Variants in VWF observed in about 807,000 individuals in gnomAD.
VWF encodes Factor VIII related antigen.
In VWF, 176 loss-of-function variants were observed where a neutral mutation model predicts 308.6. The observed-to-expected ratio is 0.57, with a 90% confidence interval of 0.50 to 0.65. VWF has a LOEUF of 0.65. VWF is among the 30% of genes least tolerant of loss of function. VWF has a pLI of 0.00. For synonymous variants in VWF, 1,385 were observed against 1,443.4 expected (o/e 0.96, Z 0.92); for missense variants, 3,146 against 3,648.2 (o/e 0.86, Z 3.55).
At chr12:6,043,477 A>C (rs76320537) in intron 18 of VWF, among the ~76,000 whole-genome samples, 2,671 of 152,350 alleles carry the variant, frequency 0.018, 77 homozygotes, top group African/African-American at 0.059. Context: ...TTTGGGTATA[A>C]GGAATTGGAG....
chr12:6,110,735 C>T (rs1198775653), intron 4 of VWF, 131 bp downstream of exon 4: 1 of 1,300,640 alleles, frequency 7.7e-7, no homozygotes, highest in Admixed American at 1.7e-5. Flanking sequence ...CTGGCTCTCA[C>T]CCAGCCCTGC....
At chr12:6,006,893 T>C (rs1222475441) in intron 34 of VWF, among the ~76,000 whole-genome samples, 1 of 152,118 alleles carries the variant, frequency 6.6e-6, no homozygotes, top group Non-Finnish European at 1.5e-5. Flanking sequence ...AGTGAGAAGA[T>C]GGAAAAAGAT....
intron 35 of VWF, among the ~76,000 whole-genome samples, chr12:5,994,875 G>T (rs1486828756): frequency 6.6e-6 from 1 of 152,178 alleles, no homozygotes; most frequent in African/African-American, 2.4e-5. Context: ...GAGATTAAAA[G>T]GAACCTTGAG....
rs61751303 is a variant in VWF, at chr12:5,952,494, C to T, written c.8012G>A (p.Cys2671Tyr). Residue 2671 changes from cysteine (C) to tyrosine (Y), a missense_variant, in exon 49 of 52, where the codon TGT becomes TAT. Coordinates refer to ENST00000261405, the MANE Select transcript of VWF (RefSeq NM_000552.5). The stretch of plus-strand genomic sequence containing the variant: ...ATTGACCTTGCAGAAGTGAGTATCA[C>T]AGCCATCCTGGAGCGTCTCATCACG... ...LKRDETLQDG[C>Y]DTHFCKVNER... 1 of 1,613,978 alleles carries T rather than the reference C, an allele frequency of 6.2e-7. No individual in the cohort carries two copies. Among genetic ancestry groups the T allele is most frequent in the South Asian group, 1.1e-5 (1 of 91,084 alleles).
chr12:6,010,252 T>C (rs1352678291), intron 34 of VWF, among the ~76,000 whole-genome samples: 4 of 152,092 alleles, frequency 2.6e-5, no homozygotes, highest in African/African-American at 9.7e-5. Context: ...ATTAGAGAAA[T>C]GAATTTCAAG....
At chr12:6,029,617 AC>A in intron 21 of VWF, 129 bp from the exon 22 acceptor site, 1 of 1,229,954 alleles carries the variant, frequency 8.1e-7, no homozygotes, top group Non-Finnish European at 1.1e-6. Flanking sequence ...CCCCTCCAGG[AC>A]CCCACCTGCC....
At chr12:6,110,279 T>G in intron 5 of VWF, 95 bp downstream of exon 5, 1 of 1,339,052 alleles carries the variant, frequency 7.5e-7, no homozygotes, top group Non-Finnish European at 1.1e-6. Context: ...CAGTGAGGCT[T>G]GAATGCCAGG....
intron 44 of VWF, among the ~76,000 whole-genome samples, chr12:5,969,719 G>A (rs1943448365): frequency 1.3e-5 from 2 of 152,214 alleles, no homozygotes; most frequent in South Asian, 4.1e-4. Context: ...GGCCATCAGT[G>A]GGAAGGTGCA....
At chr12:6,065,417 T>A in intron 10 of VWF, 144 bp from the exon 11 acceptor site, 1 of 1,124,570 alleles carries the variant, frequency 8.9e-7, no homozygotes, top group Non-Finnish European at 1.3e-6. Context: ...AAAAACAAGT[T>A]CTACGAGAAA....
At chr12:5,964,010 A>G (rs942059954) in intron 47 of VWF, among the ~76,000 whole-genome samples, 3 of 151,664 alleles carry the variant, frequency 2.0e-5, no homozygotes, top group Non-Finnish European at 2.9e-5. Context: ...GATTGAGACC[A>G]TTCTGGTTAA....
At chr12:6,032,468 T>C (rs28393881) in intron 20 of VWF, among the ~76,000 whole-genome samples, 32,530 of 147,980 alleles carry the variant, frequency 0.22, 3,905 homozygotes, top group African/African-American at 0.27. Flanking sequence ...TGAAACCCCG[T>C]CTCTACTAAA....
At chr12:6,092,452 C>T (rs1222451814) in intron 6 of VWF, among the ~76,000 whole-genome samples, 1 of 152,026 alleles carries the variant, frequency 6.6e-6, no homozygotes, top group African/African-American at 2.4e-5. Context: ...AAGCCATCTT[C>T]CCACCTCAGC....
chr12:6,070,613 G>C (rs1197917461), intron 10 of VWF, among the ~76,000 whole-genome samples: 5 of 152,224 alleles, frequency 3.3e-5, no homozygotes, highest in Non-Finnish European at 7.3e-5. Flanking sequence ...TTAGCACAGT[G>C]GCCAGCACAT....
intron 3 of VWF, among the ~76,000 whole-genome samples, chr12:6,120,504 T>C (rs1298841304): frequency 6.6e-6 from 1 of 152,144 alleles, no homozygotes; most frequent in Non-Finnish European, 1.5e-5. Flanking sequence ...GGTTTCACCA[T>C]GTTGGCCAGG....
Position 6,108,938 on chromosome 12 carries a change from G to A in VWF, c.532+1436C>T, listed in dbSNP as rs1241148332. ...AGAGCTTGCAGTGAGCCGAGATCGC[G>A]CCACTGCACTCCAGCCTGGGTGACA... On this transcript the variant is annotated intron_variant, in intron 5 of 51. Coordinates refer to ENST00000261405, the MANE Select transcript of VWF (RefSeq NM_000552.5). Among the ~76,000 whole-genome samples the A allele has an allele frequency of 5.5e-5, 8 of 145,498 alleles. No individual in the cohort carries two copies. In the South Asian group the frequency reaches 1.1e-3, roughly 20 times the overall value.
chr12:6,019,143 G>T lies in VWF; in HGVS notation c.4275C>A (p.Ile1425=). The change falls in exon 28 of 52, where the codon ATC becomes ATA. Residue 1425 remains isoleucine, a synonymous_variant. Transcript: ENST00000261405. This position sits in a 1 kb window ranked among gnomAD's most constrained non-coding sequence, Gnocchi z 5.8. ...CAGGGGCCTGCTTCTCGATGAGGCG[G>T]ATCTGCTTGAGGTTGGCATGGGGCC... The part of the protein sequence containing the change: ...GIGPHANLKQ[I]RLIEKQAPEN... The T allele has an allele frequency of 1.9e-6, 3 of 1,613,892 alleles. No homozygotes were observed. Among genetic ancestry groups the T allele is most frequent in the Non-Finnish European group, 2.5e-6 (3 of 1,179,850 alleles).
At chr12:6,103,549 C>CACATATATGTAT (rs1945208266) in intron 5 of VWF, among the ~76,000 whole-genome samples, 1 of 52,884 alleles carries the variant, frequency 1.9e-5, no homozygotes, top group African/African-American at 1.0e-3. Context: ...TATGTATACA[C>CACATATATGTAT]ACACACACAC....
At chr12:6,006,775 T>C (rs1271899571) in intron 34 of VWF, among the ~76,000 whole-genome samples, 1 of 152,154 alleles carries the variant, frequency 6.6e-6, no homozygotes, top group Admixed American at 6.5e-5. Context: ...CAAGACTCCA[T>C]CTAAATAAAT....
intron 14 of VWF, 150 bp downstream of exon 14, chr12:6,057,699 A>C: frequency 3.4e-6 from 3 of 882,008 alleles, no homozygotes; most frequent in Non-Finnish European, 4.9e-6. Flanking sequence ...TCAGATGATC[A>C]AGTGCTGACG....
Sources: allele counts gnomAD v4.1 joint callset (sites outside exome capture counted in the v4.1 genomes callset), GRCh38; gene constraint gnomAD v4.1.1; non-coding constraint Gnocchi (gnomAD v3.1); transcripts MANE v1.5; gene names NCBI Gene and HGNC (gene_info 2026-07-23, HGNC 2026-07-21).